EPHA5: variants seen among roughly 807,000 people sequenced by gnomAD.
The protein encoded by EPHA5 is EPH receptor A5, also known as ephrin type-A receptor 5.
EPHA5 carries 60 observed loss-of-function variants against 105.0 expected under a neutral mutation model. The observed-to-expected ratio is 0.57, with a 90% confidence interval of 0.46 to 0.71. The LOEUF is 0.71. Among genes scored for constraint, EPHA5 ranks in the 30% least tolerant of loss-of-function variants. The pLI, the probability that EPHA5 is intolerant of heterozygous loss-of-function variation, is 0.00. For synonymous variants in EPHA5, 513 were observed against 449.1 expected, an observed-to-expected ratio of 1.14 and a Z score of -1.80; for missense variants, 1,218 against 1,274.7, an observed-to-expected ratio of 0.96 and a Z score of 0.68.
At chr4:65,632,956 T>C (rs2149494072) in intron 2 of EPHA5, among the ~76,000 whole-genome samples, 1 of 152,032 alleles carries the variant, frequency 6.6e-6, no homozygotes, top group East Asian at 1.9e-4. Context: ...TATGAATCAT[T>C]TGTAGAGTTA....
chr4:65,592,044 A>G (rs1742715022), intron 3 of EPHA5, among the ~76,000 whole-genome samples: 1 of 152,024 alleles, frequency 6.6e-6, no homozygotes, highest in Non-Finnish European at 1.5e-5. Flanking sequence ...AACATTTTGT[A>G]TTTGGCATGG....
chr4:65,348,820 T>A (rs1372369787), intron 13 of EPHA5, among the ~76,000 whole-genome samples: 19 of 118,070 alleles, frequency 1.6e-4, no homozygotes, highest in Non-Finnish European at 2.4e-4. Flanking sequence ...TATATATTTT[T>A]TTTTTTTTTT....
intron 1 of EPHA5, among the ~76,000 whole-genome samples, chr4:65,657,700 G>C (rs1292737228): frequency 6.6e-6 from 1 of 151,912 alleles, no homozygotes; most frequent in East Asian, 1.9e-4. Context: ...ACAGTAATGA[G>C]GTAAGACTTG....
At chr4:65,583,120 G>A (rs963482555) in intron 3 of EPHA5, among the ~76,000 whole-genome samples, 1 of 151,468 alleles carries the variant, frequency 6.6e-6, no homozygotes, top group African/African-American at 2.4e-5. Context: ...GTATAAGCCA[G>A]GTCTATCTGC....
chr4:65,629,206 T>C (rs1339723616), intron 2 of EPHA5, among the ~76,000 whole-genome samples: 4 of 152,218 alleles, frequency 2.6e-5, no homozygotes, highest in Non-Finnish European at 5.9e-5. Flanking sequence ...ATCTACAACA[T>C]GCTTCTAAGC....
At chr4:65,392,281 T>G (rs1342518681) in intron 8 of EPHA5, among the ~76,000 whole-genome samples, 1 of 152,100 alleles carries the variant, frequency 6.6e-6, no homozygotes, top group Non-Finnish European at 1.5e-5. Flanking sequence ...CACGTCTGGA[T>G]TTTTTCCAGT....
At chr4:65,596,565 G>C (rs1343401823) in intron 3 of EPHA5, among the ~76,000 whole-genome samples, 1 of 152,124 alleles carries the variant, frequency 6.6e-6, no homozygotes, top group African/African-American at 2.4e-5. Flanking sequence ...AAGTAGGCCA[G>C]GGAGCAGTTA....
At position 65,573,471 on chromosome 4, in the gene EPHA5, A is replaced by C. The variant is rs1025677065; in HGVS notation, c.910+28170T>G. On this transcript the variant is annotated intron_variant, in intron 3 of 16. Coordinates refer to ENST00000613740, the MANE Select transcript of EPHA5 (RefSeq NM_001281766.3). The stretch of plus-strand genomic sequence containing the variant: ...CCCATCTTGCAAGATGGCGGGTGAA[A>C]AAGTTTAGAAGCCAGATACTAAAGA... 4 of 1,514,352 alleles carry C rather than the reference A, an allele frequency of 2.6e-6. No homozygotes were observed. The African/African-American group carries it at 5.7e-5, about 22-fold the overall frequency. 93.8% of individuals were successfully genotyped at this position (1,514,352 alleles called of 1,614,324 possible). A position where few individuals can be genotyped will look rare whatever the true frequency, so the allele number is the denominator to read the frequency against.
chr4:65,445,382 T>C (rs1397367125), intron 5 of EPHA5, among the ~76,000 whole-genome samples: 1 of 152,136 alleles, frequency 6.6e-6, no homozygotes, highest in Non-Finnish European at 1.5e-5. Context: ...TTCATCAGTG[T>C]TTAAGAGCAT....
chr4:65,670,381 T>G lies in EPHA5; in HGVS notation c.-639A>C, dbSNP rs949796772. The G allele has an allele frequency of 5.6e-5, 13 of 233,708 alleles. No individual in the cohort carries two copies. Among genetic ancestry groups the G allele is most frequent in the Non-Finnish European group, 1.1e-4 (13 of 118,556 alleles). The allele number at this position is 233,708 out of a possible 1,614,324, so 14.5% of individuals were successfully genotyped here. ...GGCCGGTAGGAGCGCGGAGCTGCGC[T>G]GCGGCGGCCCAGGAGCTGCTGCGGT... On this transcript the variant is annotated 5_prime_UTR_variant, in exon 1 of 17. Coordinates refer to ENST00000613740, the MANE Select transcript of EPHA5 (RefSeq NM_001281766.3).
intron 8 of EPHA5, among the ~76,000 whole-genome samples, chr4:65,392,124 G>C (rs1051298761): frequency 1.4e-4 from 22 of 152,094 alleles, no homozygotes; most frequent in Non-Finnish European, 1.8e-4. Context: ...TTGTCTTCCT[G>C]GCATCACTCT....
At chr4:65,448,726 G>T (rs1486556034) in intron 5 of EPHA5, among the ~76,000 whole-genome samples, 1 of 152,044 alleles carries the variant, frequency 6.6e-6, no homozygotes, top group Non-Finnish European at 1.5e-5. Context: ...AGCACACAAT[G>T]GAGAAACTAG....
intron 3 of EPHA5, among the ~76,000 whole-genome samples, chr4:65,499,190 C>G (rs1403875219): frequency 6.6e-6 from 1 of 151,578 alleles, no homozygotes; most frequent in East Asian, 1.9e-4. Context: ...CATCAAATCT[C>G]CAAACCTATA....
chr4:65,377,504 G>A (rs1213279712), intron 8 of EPHA5, among the ~76,000 whole-genome samples: 2 of 151,830 alleles, frequency 1.3e-5, no homozygotes, highest in African/African-American at 4.8e-5. Flanking sequence ...ACTTTCTCAT[G>A]TGACCCACCA....
Position 65,321,478 on chromosome 4 carries a change from T to A in EPHA5, c.*2636A>T, listed in dbSNP as rs546063430. On this transcript the variant is annotated 3_prime_UTR_variant, in exon 17 of 17. Transcript: ENST00000613740. ...AGGAAACAAATATTTTAGGAAGGCA[T>A]TCTTTCCTCTTTTTTAGGGAGAGTA... 2.6e-5 allele frequency: 6 copies of A among 229,690 alleles called. No homozygotes were observed. Among genetic ancestry groups the A allele is most frequent in the Non-Finnish European group, 4.3e-5 (5 of 115,708 alleles). 14.2% of individuals were successfully genotyped at this position (229,690 alleles called of 1,614,324 possible). A position where few individuals can be genotyped will look rare whatever the true frequency, so the allele number is the denominator to read the frequency against.
intron 3 of EPHA5, among the ~76,000 whole-genome samples, chr4:65,527,935 C>T (rs1735396716): frequency 6.6e-6 from 1 of 152,076 alleles, no homozygotes; most frequent in South Asian, 2.1e-4. Context: ...TAAGTGAGAA[C>T]ATGCAGTATT....
intron 2 of EPHA5, among the ~76,000 whole-genome samples, chr4:65,638,691 A>G (rs1281081801): frequency 6.6e-6 from 1 of 152,174 alleles, no homozygotes; most frequent in African/African-American, 2.4e-5. Context: ...GTGAGTTGAG[A>G]TCGTGCCATT....
intron 3 of EPHA5, among the ~76,000 whole-genome samples, chr4:65,576,525 C>G: frequency 6.6e-6 from 1 of 152,094 alleles, no homozygotes; most frequent in East Asian, 1.9e-4. Flanking sequence ...AGCTGTTAAG[C>G]CTCAAAAAGC....
intron 8 of EPHA5, among the ~76,000 whole-genome samples, chr4:65,402,214 A>T (rs1721914074): frequency 6.6e-6 from 1 of 151,838 alleles, no homozygotes; most frequent in Non-Finnish European, 1.5e-5. Flanking sequence ...GTTTCCTGAG[A>T]CCACCCCCTC....
Sources: gnomAD v4.1 joint callset for allele counts (sites outside exome capture counted in the v4.1 genomes callset) on GRCh38, gnomAD v4.1.1 for gene constraint, MANE v1.5 for transcripts, NCBI Gene and HGNC (gene_info 2026-07-23, HGNC 2026-07-21) for gene names.